DYTN: variants seen among roughly 807,000 people sequenced by gnomAD.
The protein encoded by DYTN is dystrotelin.
Under a neutral mutation model 69.6 loss-of-function variants are expected in DYTN, and 75 were observed. The ratio of observed to expected loss-of-function variants is 1.08; its 90% CI spans 0.89 to 1.31. DYTN has a LOEUF of 1.31. Ranked by LOEUF, DYTN falls within the 50% of genes most tolerant of loss-of-function variation. The probability of loss-of-function intolerance (pLI) is 0.00; values close to 1 mark genes in which losing one functional copy is unlikely to be tolerated. For synonymous variants in DYTN, 252 were observed against 249.1 expected (o/e 1.01, Z -0.11); for missense variants, 726 against 688.4 (o/e 1.05, Z -0.61).
intron 1 of DYTN, among the ~76,000 whole-genome samples, chr2:206,712,394 T>C (rs1307428833): frequency 6.6e-6 from 1 of 152,092 alleles, no homozygotes; most frequent in East Asian, 1.9e-4. Context: ...GGGGTCAAAA[T>C]CAAACTGCAG....
Position 206,662,885 on chromosome 2 carries a change from G to T in DYTN, c.1633+18C>A. The stretch of plus-strand genomic sequence containing the variant: ...AATCCTTGGCCATCACGATGTCTAT[G>T]GATTGTGAAAACCTTACCTGATGGC... On this transcript the variant is annotated intron_variant, in intron 11 of 11. Transcript: ENST00000452335. 6.2e-7 allele frequency: 1 copy of T among 1,602,486 alleles called. No individual in the cohort carries two copies. Among genetic ancestry groups the T allele is most frequent in the South Asian group, 1.1e-5 (1 of 88,704 alleles).
intron 9 of DYTN, among the ~76,000 whole-genome samples, chr2:206,690,396 A>G (rs1295911500): frequency 6.6e-6 from 1 of 152,198 alleles, no homozygotes; most frequent in Admixed American, 6.5e-5. Flanking sequence ...CACTGGAAGG[A>G]CTGTGACTTT....
At chr2:206,689,883 G>T (rs544345785) in intron 9 of DYTN, among the ~76,000 whole-genome samples, 71 of 151,948 alleles carry the variant, frequency 4.7e-4, no homozygotes, top group African/African-American at 7.7e-4. Flanking sequence ...CATTCATTCA[G>T]TCAGTCAGTC....
At chr2:206,675,750 C>A (rs1226471628) in intron 9 of DYTN, among the ~76,000 whole-genome samples, 15 of 152,084 alleles carry the variant, frequency 9.9e-5, no homozygotes. Context: ...TGTTATACAA[C>A]CCCATCAAAA....
chr2:206,659,164 C>CTTTTT (rs758156864), intron 11 of DYTN, among the ~76,000 whole-genome samples: 19 of 54,280 alleles, frequency 3.5e-4, no homozygotes, highest in African/African-American at 6.0e-4. Context: ...CTCACAGTCT[C>CTTTTT]TTTTTTTTTT....
chr2:206,699,667 G>T (rs1374238697), intron 7 of DYTN, 60 bp downstream of exon 7: 4 of 1,529,688 alleles, frequency 2.6e-6, no homozygotes, highest in African/African-American at 2.8e-5. Flanking sequence ...AAGGGATGCA[G>T]CTCCAACTGT....
intron 1 of DYTN, among the ~76,000 whole-genome samples, chr2:206,711,965 A>G (rs1335495166): frequency 2.0e-5 from 3 of 152,208 alleles, no homozygotes; most frequent in Admixed American, 6.5e-5. Context: ...AAAAATAACT[A>G]TAGAGTAGAT....
chr2:206,714,008 T>G (rs1700103914), intron 1 of DYTN, among the ~76,000 whole-genome samples: 1 of 152,208 alleles, frequency 6.6e-6, no homozygotes, highest in Non-Finnish European at 1.5e-5. Context: ...AAGGAACTGC[T>G]TGGTGTACTT....
At chr2:206,673,450 G>T (rs940994583) in intron 9 of DYTN, among the ~76,000 whole-genome samples, 14 of 152,192 alleles carry the variant, frequency 9.2e-5, no homozygotes, top group African/African-American at 2.9e-4. Context: ...TAGAGACGGG[G>T]TTTCACCACA....
At chr2:206,660,602 T>G (rs1167707219) in intron 11 of DYTN, among the ~76,000 whole-genome samples, 1 of 152,256 alleles carries the variant, frequency 6.6e-6, no homozygotes, top group Non-Finnish European at 1.5e-5. Flanking sequence ...GATATTGACT[T>G]CGCTTTGAAT....
intron 10 of DYTN, 59 bp downstream of exon 10, chr2:206,665,811 A>G: frequency 6.4e-7 from 1 of 1,573,644 alleles, no homozygotes; most frequent in Admixed American, 1.8e-5. Flanking sequence ...CCTTGGCTGA[A>G]GGACTCAAGG....
chr2:206,707,882 T>C (rs1047746793), intron 2 of DYTN, among the ~76,000 whole-genome samples: 11 of 152,228 alleles, frequency 7.2e-5, no homozygotes, highest in African/African-American at 2.2e-4. Context: ...ATACTCTTCA[T>C]TAAGTGGATT....
At chr2:206,706,644 A>G (rs1434945078) in intron 3 of DYTN, among the ~76,000 whole-genome samples, 1 of 152,128 alleles carries the variant, frequency 6.6e-6, no homozygotes, top group Non-Finnish European at 1.5e-5. Flanking sequence ...TTTTGAATTC[A>G]CTATGATTTT....
chr2:206,663,824 T>C (rs1242808436), intron 10 of DYTN, among the ~76,000 whole-genome samples: 1 of 152,204 alleles, frequency 6.6e-6, no homozygotes, highest in East Asian at 1.9e-4. Context: ...AGGGATGTGC[T>C]CCGCTTGAAG....
intron 11 of DYTN, among the ~76,000 whole-genome samples, chr2:206,659,227 A>G (rs1387988849): frequency 8.1e-6 from 1 of 123,442 alleles, no homozygotes; most frequent in East Asian, 2.7e-4. Context: ...GTTGGAGTGC[A>G]CGGGCGCGAT....
chr2:206,669,897 C>T (rs1699611734), intron 9 of DYTN, among the ~76,000 whole-genome samples: 1 of 152,126 alleles, frequency 6.6e-6, no homozygotes, highest in Non-Finnish European at 1.5e-5. Flanking sequence ...TCTCATCATA[C>T]ATATATACAT....
chr2:206,717,312 A>G (rs911588090), intron 1 of DYTN, among the ~76,000 whole-genome samples: 5 of 152,180 alleles, frequency 3.3e-5, no homozygotes, highest in African/African-American at 7.2e-5. Context: ...TCAAATGTCC[A>G]TCATCTAGTT....
At chr2:206,714,359 C>T (rs375551634) in intron 1 of DYTN, among the ~76,000 whole-genome samples, 8 of 152,262 alleles carry the variant, frequency 5.3e-5, no homozygotes, top group South Asian at 2.1e-4. Context: ...CACACCACCA[C>T]GCCCGGCTAA....
At chr2:206,656,535 C>T (rs1205326606) in intron 11 of DYTN, among the ~76,000 whole-genome samples, 1 of 151,972 alleles carries the variant, frequency 6.6e-6, no homozygotes, top group Admixed American at 6.6e-5. Flanking sequence ...TGTTTTCTGT[C>T]TGTCTTTTAG....
Sources: gnomAD v4.1 joint callset for allele counts (sites outside exome capture counted in the v4.1 genomes callset) on GRCh38, gnomAD v4.1.1 for gene constraint, MANE v1.5 for transcripts, NCBI Gene and HGNC (gene_info 2026-07-23, HGNC 2026-07-21) for gene names.